The following CPED1 variants were observed in gnomAD, a reference collection of about 807,000 sequenced individuals.
CPED1 encodes cadherin like and PC-esterase domain containing 1.
A neutral mutation model predicts 128.2 loss-of-function variants in CPED1; 114 were observed. The ratio of observed to expected loss-of-function variants is 0.89; its 90% CI spans 0.76 to 1.04. CPED1 has a LOEUF of 1.04. CPED1 is among the 50% of genes least tolerant of loss of function. The pLI is 0.00. For synonymous variants in CPED1, 462 were observed against 426.7 expected (o/e 1.08, Z -1.02); for missense variants, 1,211 against 1,207.1 (o/e 1.00, Z -0.05).
At chr7:121,037,312 T>G (rs1354421073) in intron 3 of CPED1, among the ~76,000 whole-genome samples, 2 of 152,204 alleles carry the variant, frequency 1.3e-5, no homozygotes, top group Admixed American at 1.3e-4. Context: ...AGTTGATTTT[T>G]GTATAAGGTG....
chr7:121,100,714 T>G (rs1444569981), intron 7 of CPED1, among the ~76,000 whole-genome samples: 1 of 152,144 alleles, frequency 6.6e-6, no homozygotes, highest in Admixed American at 6.6e-5. Flanking sequence ...GAAAGAAATT[T>G]TGATTTTACA....
chr7:121,249,433 G>C (rs908321484), intron 18 of CPED1, among the ~76,000 whole-genome samples: 1 of 152,076 alleles, frequency 6.6e-6, no homozygotes, highest in Non-Finnish European at 1.5e-5. Context: ...CTAGAGAGAA[G>C]GGTCAAGTCT....
chr7:121,274,818 A>G (rs1792300483), intron 22 of CPED1, among the ~76,000 whole-genome samples: 1 of 152,162 alleles, frequency 6.6e-6, no homozygotes, highest in Non-Finnish European at 1.5e-5. Context: ...CAAAAAATCT[A>G]AAACTCTTTA....
At chr7:121,139,043 T>C (rs1308596600) in intron 14 of CPED1, among the ~76,000 whole-genome samples, 1 of 152,116 alleles carries the variant, frequency 6.6e-6, no homozygotes, top group Non-Finnish European at 1.5e-5. Flanking sequence ...GAATGACTTC[T>C]AATAAAAACA....
chr7:121,295,849 T>G lies in CPED1; in HGVS notation c.*197T>G. ...CTTACAGCTTTATGAATTCAAGATG[T>G]GACCTTGAACACCAGTCCATTTCAC... On this transcript the variant is annotated 3_prime_UTR_variant, in exon 23 of 23. Transcript: ENST00000310396. The G allele has an allele frequency of 2.0e-6, 1 of 502,366 alleles. No homozygotes were observed. The highest frequency in any genetic ancestry group is 3.5e-6 in the Non-Finnish European group (1 of 282,050). The allele number at this position is 502,366 out of a possible 1,614,324, so 31.1% of individuals were successfully genotyped here. A position where few individuals can be genotyped will look rare whatever the true frequency, so the allele number is the denominator to read the frequency against.
chr7:121,109,457 G>C (rs558548594), intron 7 of CPED1, among the ~76,000 whole-genome samples: 2 of 152,168 alleles, frequency 1.3e-5, no homozygotes, highest in African/African-American at 4.8e-5. Flanking sequence ...TTTAGAGAAA[G>C]GGACTTCAAA....
Position 121,119,522 on chromosome 7 carries a change from T to C in CPED1, c.919-4809T>C, listed in dbSNP as rs148697914. On this transcript the variant is annotated intron_variant, in intron 7 of 22. Coordinates refer to ENST00000310396, the MANE Select transcript of CPED1 (RefSeq NM_024913.5). ...GAAATTCTGAGGTATTTGGGTTACT[T>C]CAGATTCATTTTAAGAGTTTTGGCC... Among the ~76,000 whole-genome samples, 837 of 150,804 alleles carry C rather than the reference T, an allele frequency of 5.6e-3. 7 individuals carry two copies. The highest frequency in any genetic ancestry group is 0.019 in the African/African-American group (772 of 41,158).
intron 5 of CPED1, among the ~76,000 whole-genome samples, chr7:121,089,266 G>T (rs867707678): frequency 2.7e-4 from 41 of 152,100 alleles, no homozygotes; most frequent in Non-Finnish European, 4.4e-4. Flanking sequence ...CCTCTCCAAG[G>T]TCTATATTCT....
chr7:121,032,528 G>A lies in CPED1; in HGVS notation c.434-14359G>A, dbSNP rs1049811239. On this transcript the variant is annotated intron_variant, in intron 3 of 22. Coordinates refer to ENST00000310396, the MANE Select transcript of CPED1 (RefSeq NM_024913.5). Reference sequence around the variant, plus strand: ...GGTGGGGAACATCATACCGCGGGGGGGGCCTGTCAGGGTGTCGGGGTGGTG... The same window carrying A: ...GGTGGGGAACATCATACCGCGGGGGAGGCCTGTCAGGGTGTCGGGGTGGTG... 3.4e-5 allele frequency among the ~76,000 whole-genome samples: 5 copies of A among 148,850 alleles called. No homozygotes were observed. The Admixed American group carries it at 3.4e-4, about 10-fold the overall frequency.
At chr7:121,185,739 G>T (rs1350343549) in intron 16 of CPED1, among the ~76,000 whole-genome samples, 1 of 152,204 alleles carries the variant, frequency 6.6e-6, no homozygotes, top group Non-Finnish European at 1.5e-5. Flanking sequence ...TCTACTGGGG[G>T]TTCTTAGGAA....
At chr7:121,175,781 TACA>T (rs1459629576) in intron 16 of CPED1, among the ~76,000 whole-genome samples, 2 of 152,038 alleles carry the variant, frequency 1.3e-5, no homozygotes, top group African/African-American at 4.8e-5. Context: ...AACTTTTCAA[TACA>T]ACAAGACTGT....
chr7:121,060,361 C>A (rs1189280156), intron 4 of CPED1, among the ~76,000 whole-genome samples: 1 of 152,260 alleles, frequency 6.6e-6, no homozygotes, highest in African/African-American at 2.4e-5. Flanking sequence ...CACCTGCAGC[C>A]CCCGGTGCGG....
intron 16 of CPED1, among the ~76,000 whole-genome samples, chr7:121,201,955 T>G (rs74402248): frequency 8.7e-4 from 132 of 152,260 alleles, no homozygotes; most frequent in African/African-American, 3.1e-3. Context: ...TTGAGTATGC[T>G]AATGAAAGTT....
intron 16 of CPED1, among the ~76,000 whole-genome samples, chr7:121,174,992 C>T (rs925070217): frequency 3.3e-5 from 5 of 151,960 alleles, no homozygotes; most frequent in African/African-American, 7.2e-5. Context: ...ATTGTGAATG[C>T]GATTGTGCTC....
intron 16 of CPED1, among the ~76,000 whole-genome samples, chr7:121,194,020 CTCTATATA>C (rs796551199): frequency 1.3e-3 from 106 of 79,022 alleles, no homozygotes; most frequent in Non-Finnish European, 1.9e-3. Context: ...CTCTCTCTCT[CTCTATATA>C]TATATATATA....
At chr7:121,141,350 A>C (rs1205917092) in intron 15 of CPED1, among the ~76,000 whole-genome samples, 2 of 152,052 alleles carry the variant, frequency 1.3e-5, no homozygotes, top group African/African-American at 2.4e-5. Context: ...CAATTGGTGC[A>C]CAATTTGTGG....
chr7:121,286,376 C>T (rs1324766969), intron 22 of CPED1, among the ~76,000 whole-genome samples: 2 of 152,174 alleles, frequency 1.3e-5, no homozygotes, highest in African/African-American at 2.4e-5. Flanking sequence ...AAGACACAGC[C>T]TCAAGGTTCT....
intron 22 of CPED1, among the ~76,000 whole-genome samples, chr7:121,292,431 G>C (rs1230568163): frequency 6.6e-6 from 1 of 151,834 alleles, no homozygotes; most frequent in Non-Finnish European, 1.5e-5. Context: ...TTTTATCAAG[G>C]TTCTTAACTT....
intron 3 of CPED1, among the ~76,000 whole-genome samples, chr7:121,033,826 T>G (rs1312600651): frequency 2.0e-5 from 3 of 152,210 alleles, no homozygotes; most frequent in Non-Finnish European, 4.4e-5. Flanking sequence ...GTGAATTATA[T>G]TTTCTCAAGC....
Sources: gnomAD v4.1 joint callset for allele counts (sites outside exome capture counted in the v4.1 genomes callset) on GRCh38, gnomAD v4.1.1 for gene constraint, MANE v1.5 for transcripts, NCBI Gene and HGNC (gene_info 2026-07-23, HGNC 2026-07-21) for gene names.